The following LTAP1 variants were observed in gnomAD, a reference collection of about 807,000 sequenced individuals.
LTAP1 encodes HCV NS5A-transactivated protein 4.
the LTAP1 span, chr1:154,207,331 G>A: frequency 2.3e-6 from 2 of 859,580 alleles, no homozygotes; most frequent in African/African-American, 1.7e-5. Flanking sequence ...GATACAACGG[G>A]AACTTGGATG....
chr1:154,208,143 C>G, the LTAP1 span, among the ~76,000 whole-genome samples: 4 of 151,250 alleles, frequency 2.6e-5, no homozygotes, highest in African/African-American at 9.7e-5. Flanking sequence ...TCACTTATAC[C>G]TGTAATCCCA....
the LTAP1 span, chr1:154,220,300 G>A: frequency 5.0e-6 from 8 of 1,609,304 alleles, no homozygotes; most frequent in East Asian, 1.6e-4. Context: ...TCTCTACTGG[G>A]TAAGATGCGA....
At chr1:154,210,743 T>A in the LTAP1 span, among the ~76,000 whole-genome samples, 3 of 152,116 alleles carry the variant, frequency 2.0e-5, no homozygotes, top group South Asian at 6.2e-4. Context: ...CCTCCCAGTG[T>A]TGGGATTACA....
chr1:154,216,202 C>T, the LTAP1 span, among the ~76,000 whole-genome samples: 2 of 152,138 alleles, frequency 1.3e-5, no homozygotes, highest in Admixed American at 1.3e-4. Context: ...CAAACCTTAA[C>T]TTGTCAATAG....
the LTAP1 span, among the ~76,000 whole-genome samples, chr1:154,217,156 C>T: frequency 6.6e-6 from 1 of 151,650 alleles, no homozygotes; most frequent in East Asian, 1.9e-4. Flanking sequence ...ACCGTGTTGG[C>T]CAGGCTGGTC....
the LTAP1 span, chr1:154,212,031 T>C: frequency 3.1e-6 from 1 of 325,394 alleles, no homozygotes; most frequent in Non-Finnish European, 6.0e-6. Context: ...TAATTTTGTA[T>C]TTTTAGTAGA....
At chr1:154,212,527 G>A in the LTAP1 span, 2 of 1,614,074 alleles carry the variant, frequency 1.2e-6, no homozygotes, top group Non-Finnish European at 1.7e-6. Flanking sequence ...GTACACCCTT[G>A]AAAGGCGTAC....
At chr1:154,219,919 T>C in the LTAP1 span, 1 of 1,612,844 alleles carries the variant, frequency 6.2e-7, no homozygotes, top group African/African-American at 1.3e-5. Flanking sequence ...TTCACAAAAA[T>C]AAATAGCAGT....
At chr1:154,209,535 C>T in the LTAP1 span, among the ~76,000 whole-genome samples, 38 of 150,990 alleles carry the variant, frequency 2.5e-4, no homozygotes, top group African/African-American at 8.8e-4. Context: ...AAGTGGTACA[C>T]GCACCTCAGC....
chr1:154,209,135 AGTGTT>A, the LTAP1 span, among the ~76,000 whole-genome samples: 103 of 152,184 alleles, frequency 6.8e-4, no homozygotes, highest in Admixed American at 1.8e-3. Context: ...ATGGTTCAGT[AGTGTT>A]AAGTATATTC....
the LTAP1 span, chr1:154,219,708 G>C: frequency 1.4e-6 from 1 of 720,084 alleles, no homozygotes; most frequent in Non-Finnish European, 2.3e-6. Flanking sequence ...GCTCAACTTA[G>C]TAAGTACAAG....
chr1:154,219,791 A>C, the LTAP1 span: 2 of 1,384,374 alleles, frequency 1.4e-6, no homozygotes, highest in Non-Finnish European at 2.0e-6. Context: ...TCTTGACCCT[A>C]AAAGATCTGG....
chr1:154,207,319 T>C, the LTAP1 span: 6 of 782,706 alleles, frequency 7.7e-6, no homozygotes, highest in Non-Finnish European at 1.3e-5. Flanking sequence ...CTAAGAACTC[T>C]GGATACAACG....
the LTAP1 span, chr1:154,212,163 G>A: frequency 1.2e-6 from 1 of 844,586 alleles, no homozygotes; most frequent in Admixed American, 1.9e-5. Context: ...GGCCGCATCT[G>A]CTTTCTAATG....
the LTAP1 span, chr1:154,214,552 A>G: frequency 1.8e-5 from 29 of 1,612,598 alleles, no homozygotes; most frequent in Middle Eastern, 1.6e-4. Context: ...GGAGAGTCGA[A>G]TATCAATCTC....
chr1:154,220,026 C>G, the LTAP1 span: 2 of 1,129,896 alleles, frequency 1.8e-6, no homozygotes, highest in Non-Finnish European at 2.5e-6. Flanking sequence ...TCCAAATCCC[C>G]AGATTCCGGC....
At chr1:154,209,990 T>C in the LTAP1 span, among the ~76,000 whole-genome samples, 3 of 151,884 alleles carry the variant, frequency 2.0e-5, no homozygotes, top group African/African-American at 7.3e-5. Flanking sequence ...CCTCCCAAAG[T>C]GTTGGGATTA....
At chr1:154,214,480 T>A in the LTAP1 span, 1 of 1,613,580 alleles carries the variant, frequency 6.2e-7, no homozygotes, top group East Asian at 2.2e-5. Flanking sequence ...GGTTTCCAGT[T>A]GTAGTAGTCT....
the LTAP1 span, chr1:154,220,384 G>A: frequency 8.3e-4 from 1,341 of 1,614,228 alleles, 12 homozygotes; most frequent in African/African-American, 0.015. Context: ...TCACCCCGGA[G>A]AGCCAGTTAC....
Sources: allele counts gnomAD v4.1 joint callset (sites outside exome capture counted in the v4.1 genomes callset), GRCh38; gene constraint gnomAD v4.1.1; transcripts MANE v1.5; gene names NCBI Gene and HGNC (gene_info 2026-07-23, HGNC 2026-07-21).